Variants in GOLIM4 observed in about 807,000 individuals in gnomAD.
GOLIM4 encodes golgi integral membrane protein 4, also known as 130 kDa golgi-localized phosphoprotein.
In GOLIM4, 71 loss-of-function variants were observed where a neutral mutation model predicts 107.4. The observed-to-expected ratio is 0.66, with a 90% confidence interval of 0.55 to 0.81. The LOEUF (loss-of-function observed/expected upper bound fraction) is 0.81. Among genes scored for constraint, GOLIM4 ranks in the 30% least tolerant of loss-of-function variants. The pLI, the probability that GOLIM4 is intolerant of heterozygous loss-of-function variation, is 0.00. For missense variants in GOLIM4, 830 were observed against 826.1 expected (o/e 1.00, Z -0.06); for synonymous variants, 327 against 294.8 (o/e 1.11, Z -1.12).
chr3:168,037,119 A>G (rs1383096229), intron 7 of GOLIM4, 125 bp from the exon 8 acceptor site: 3 of 503,162 alleles, frequency 6.0e-6, no homozygotes, highest in Non-Finnish European at 1.1e-5. Context: ...AAACATACAG[A>G]TTGTTTCCAT....
Position 168,036,898 on chromosome 3 carries a change from C to A in GOLIM4, c.781G>T (p.Val261Leu), listed in dbSNP as rs1718681765. The change falls in exon 8 of 16, where the codon GTG (valine) becomes TTG (leucine). Residue 261 changes from valine (V) to leucine (L), a missense_variant. Val to Leu is a conservative substitution (Grantham distance 32). Transcript: ENST00000470487. The part of the protein sequence containing the change: ...DPAEQQNVTQ[V>L]AHSPQGYNTA... ...TTGTAACCTTGTGGAGAATGTGCCA[C>A]CTGGGTCACATTTTGCTGTTCTGCT... is the stretch of plus-strand genomic sequence containing the variant. The A allele has an allele frequency of 6.2e-7, 1 of 1,613,960 alleles. No homozygotes were observed. Among genetic ancestry groups the A allele is most frequent in the Non-Finnish European group, 8.5e-7 (1 of 1,179,892 alleles).
intron 1 of GOLIM4, among the ~76,000 whole-genome samples, chr3:168,058,622 A>G (rs1198112478): frequency 6.6e-6 from 1 of 152,196 alleles, no homozygotes; most frequent in Admixed American, 6.5e-5. Flanking sequence ...GACAGGTAAA[A>G]CATAAGACAA....
chr3:168,054,976 G>C (rs1719863117), intron 1 of GOLIM4, among the ~76,000 whole-genome samples: 1 of 152,170 alleles, frequency 6.6e-6, no homozygotes, highest in Non-Finnish European at 1.5e-5. Flanking sequence ...TGCCATGTGA[G>C]ACGTAACTTT....
intron 1 of GOLIM4, among the ~76,000 whole-genome samples, chr3:168,089,438 C>T (rs1462853918): frequency 7.2e-5 from 11 of 152,220 alleles, no homozygotes; most frequent in Non-Finnish European, 1.3e-4. Context: ...CTACACCCTT[C>T]TAAGCACTGC....
chr3:168,037,213 T>C (rs142359000), intron 7 of GOLIM4, among the ~76,000 whole-genome samples: 2,007 of 152,184 alleles, frequency 0.013, 20 homozygotes, highest in Middle Eastern at 0.027. Context: ...ACAGAAAAAA[T>C]ATCTAAGACA....
chr3:168,070,231 C>T (rs1270489778), intron 1 of GOLIM4, among the ~76,000 whole-genome samples: 2 of 152,150 alleles, frequency 1.3e-5, no homozygotes, highest in African/African-American at 4.8e-5. Flanking sequence ...ATTTCTACTA[C>T]AAATACAAAA....
rs1026679316 is a variant in GOLIM4 at position 168,040,908 on chromosome 3, T to C, written c.601-39A>G. ...AATTTTACATGTTGAGCTTTAACAT[T>C]CTACGACAAATTCTTCTTTGGCTGA... On this transcript the variant is annotated intron_variant, in intron 6 of 15. Transcript: ENST00000470487. 3.8e-6 allele frequency: 5 copies of C among 1,316,946 alleles called. No individual in the cohort carries two copies. The African/African-American group carries it at 5.8e-5, about 15-fold the overall frequency. The allele number at this position is 1,316,946 out of a possible 1,614,324, so 81.6% of individuals were successfully genotyped here.
At chr3:168,028,019 T>C (rs1384500050) in intron 11 of GOLIM4, among the ~76,000 whole-genome samples, 182 bp from the exon 12 acceptor site, 2 of 152,220 alleles carry the variant, frequency 1.3e-5, no homozygotes, top group African/African-American at 4.8e-5. Context: ...ACAGACTGTG[T>C]GTCTAGAGAG....
chr3:168,069,513 T>C (rs534261080), intron 1 of GOLIM4, among the ~76,000 whole-genome samples: 2 of 152,306 alleles, frequency 1.3e-5, no homozygotes, highest in Non-Finnish European at 2.9e-5. Context: ...GGAAAAAAAT[T>C]AGCAGAGATT....
intron 1 of GOLIM4, among the ~76,000 whole-genome samples, chr3:168,093,483 A>G (rs1319411596): frequency 6.6e-6 from 1 of 152,164 alleles, no homozygotes; most frequent in Non-Finnish European, 1.5e-5. Context: ...GGCACACACA[A>G]CCTCATATAA....
intron 14 of GOLIM4, among the ~76,000 whole-genome samples, chr3:168,013,322 T>C (rs1717167228): frequency 6.6e-6 from 1 of 152,012 alleles, no homozygotes; most frequent in Non-Finnish European, 1.5e-5. Context: ...AAGGGATCAA[T>C]TCAACAAGAA....
At chr3:168,082,468 C>A (rs984003672) in intron 1 of GOLIM4, among the ~76,000 whole-genome samples, 2 of 152,136 alleles carry the variant, frequency 1.3e-5, no homozygotes, top group African/African-American at 4.8e-5. Context: ...TACTACCATT[C>A]TAGGTAACTA....
chr3:168,022,760 T>C (rs1298654527), intron 14 of GOLIM4, among the ~76,000 whole-genome samples: 1 of 152,144 alleles, frequency 6.6e-6, no homozygotes, highest in Non-Finnish European at 1.5e-5. Flanking sequence ...AGTGATGGGG[T>C]GGTAACCTGG....
At chr3:168,052,355 C>CAT (rs68032228) in intron 1 of GOLIM4, among the ~76,000 whole-genome samples, 160 of 150,130 alleles carry the variant, frequency 1.1e-3, no homozygotes, top group South Asian at 4.8e-3. Context: ...CATATATGTG[C>CAT]ATATATATAT....
At chr3:168,066,688 T>A (rs1237924912) in intron 1 of GOLIM4, among the ~76,000 whole-genome samples, 1 of 152,158 alleles carries the variant, frequency 6.6e-6, no homozygotes, top group East Asian at 1.9e-4. Context: ...TACAAATAAC[T>A]TATACATCCA....
At position 168,080,972 on chromosome 3, in the gene GOLIM4, T is replaced by C. The variant is rs190999736; in HGVS notation, c.187+14127A>G. Among the ~76,000 whole-genome samples the C allele has an allele frequency of 7.2e-5, 11 of 152,244 alleles. No individual in the cohort carries two copies. The East Asian group carries it at 2.1e-3, about 29-fold the overall frequency. On this transcript the variant is annotated intron_variant, in intron 1 of 15. Transcript: ENST00000470487. ...TGATTTGACTTTGACACCTGGAATC[T>C]AAAACACACAGCTGGAGACTCAGTT...
At chr3:168,027,510 T>A (rs1412210922) in intron 12 of GOLIM4, among the ~76,000 whole-genome samples, 1 of 150,558 alleles carries the variant, frequency 6.6e-6, no homozygotes, top group Non-Finnish European at 1.5e-5. Context: ...TTTTTTTTTT[T>A]CCCCCAGAGC....
In GOLIM4 at chr3:168,043,497, A is replaced by G. The variant is rs754126123; in HGVS notation, c.399T>C (p.Ser133=). The part of the protein sequence containing the change: ...SQHEELKKQH[S]DLEEEHRKQG... ...GTTTGCGATGTTCCTCTTCCAAGTC[A>G]CTGTGCTGTTTCTTTAGCTCCTCGT... is the stretch of plus-strand genomic sequence containing the variant. Residue 133 remains serine, a synonymous_variant, in exon 5 of 16, where the codon AGT becomes AGC. Coordinates refer to ENST00000470487, the MANE Select transcript of GOLIM4 (RefSeq NM_014498.5). 1.2e-6 allele frequency: 2 copies of G among 1,613,206 alleles called. No homozygotes were observed. The highest frequency in any genetic ancestry group is 1.7e-6 in the Non-Finnish European group (2 of 1,179,694).
At chr3:168,081,189 A>AG (rs1165425891) in intron 1 of GOLIM4, among the ~76,000 whole-genome samples, 1 of 152,216 alleles carries the variant, frequency 6.6e-6, no homozygotes, top group Non-Finnish European at 1.5e-5. Context: ...TTCTGGATCA[A>AG]GGACAATGTG....
Sources: gnomAD v4.1 joint callset for allele counts (sites outside exome capture counted in the v4.1 genomes callset) on GRCh38, gnomAD v4.1.1 for gene constraint, MANE v1.5 for transcripts, NCBI Gene and HGNC (gene_info 2026-07-23, HGNC 2026-07-21) for gene names.